Variants in SLC16A9 observed in about 807,000 individuals in gnomAD.
SLC16A9 encodes the protein solute carrier family 16 member 9.
In SLC16A9, 26 loss-of-function variants were observed where a neutral mutation model predicts 44.3. That is an observed-to-expected ratio of 0.59 (90% CI 0.43 to 0.81). SLC16A9 has a LOEUF of 0.81. Among genes scored for constraint, SLC16A9 ranks in the 40% least tolerant of loss-of-function variants. SLC16A9 has a pLI of 0.00. For missense variants in SLC16A9, 559 were observed against 595.8 expected (o/e 0.94, Z 0.64); for synonymous variants, 230 against 225.1 (o/e 1.02, Z -0.19).
chr10:59,691,829 T>C lies in SLC16A9; in HGVS notation c.-36-7502A>G, dbSNP rs145476611. The stretch of plus-strand genomic sequence containing the variant: ...TGGCTGAAAATTTCTGCTCTGGATA[T>C]AGGCTGTCAGAACTGCAGGTGTGAC... On this transcript the variant is annotated intron_variant, in intron 1 of 5. Transcript: ENST00000395348. 1.7e-3 allele frequency among the ~76,000 whole-genome samples: 263 copies of C among 152,362 alleles called. 8 individuals are homozygous for C. The highest frequency in any genetic ancestry group is 0.014 in the Admixed American group (214 of 15,302).
intron 3 of SLC16A9, among the ~76,000 whole-genome samples, chr10:59,669,599 G>A (rs1839698237): frequency 6.6e-6 from 1 of 152,122 alleles, no homozygotes. Context: ...CACTTTGGGA[G>A]CCCAAGACCA....
At chr10:59,705,517 CATTA>C (rs1448962787) in intron 1 of SLC16A9, among the ~76,000 whole-genome samples, 10 of 152,170 alleles carry the variant, frequency 6.6e-5, no homozygotes, top group African/African-American at 1.4e-4. Flanking sequence ...GTTTAATAAA[CATTA>C]ATTATTATTA....
chr10:59,670,165 C>T (rs975312533), intron 3 of SLC16A9, among the ~76,000 whole-genome samples: 6 of 152,086 alleles, frequency 3.9e-5, no homozygotes, highest in Non-Finnish European at 7.4e-5. Flanking sequence ...CTGTATGGGT[C>T]AGAAAGGAAT....
chr10:59,655,631 C>T (rs1469973472), intron 4 of SLC16A9, among the ~76,000 whole-genome samples: 1 of 152,140 alleles, frequency 6.6e-6, no homozygotes, highest in African/African-American at 2.4e-5. Flanking sequence ...TAGCACTGAT[C>T]ACACTAAACA....
intron 3 of SLC16A9, among the ~76,000 whole-genome samples, chr10:59,671,221 C>T (rs1205702387): frequency 6.6e-6 from 1 of 152,136 alleles, no homozygotes; most frequent in Non-Finnish European, 1.5e-5. Flanking sequence ...ATTGCCAAAT[C>T]AGAGCTATGT....
chr10:59,676,760 TA>T (rs1274090461), intron 2 of SLC16A9, among the ~76,000 whole-genome samples: 9 of 151,890 alleles, frequency 5.9e-5, no homozygotes, highest in Admixed American at 5.9e-4. Context: ...CTGCCTCTAC[TA>T]AAAATACAAA....
chr10:59,652,421 T>A lies in SLC16A9; in HGVS notation c.*351A>T. On this transcript the variant is annotated 3_prime_UTR_variant, in exon 6 of 6. Transcript: ENST00000395348. Reference sequence around the variant, plus strand: ...AATAGGAGCAGTCTCTCTAGGTGCCTTGCAGTGGATTAAATGGAGTCGGCA... The same window carrying A: ...AATAGGAGCAGTCTCTCTAGGTGCCATGCAGTGGATTAAATGGAGTCGGCA... 6.1e-6 allele frequency: 1 copy of A among 165,220 alleles called. No homozygotes were observed. The highest frequency in any genetic ancestry group is 1.3e-5 in the Non-Finnish European group (1 of 76,980). The allele number at this position is 165,220 out of a possible 1,614,324, so 10.2% of individuals were successfully genotyped here.
At chr10:59,684,770 T>A (rs943148584) in intron 1 of SLC16A9, among the ~76,000 whole-genome samples, 1 of 152,224 alleles carries the variant, frequency 6.6e-6, no homozygotes, top group African/African-American at 2.4e-5. Flanking sequence ...CAGCTGCAGA[T>A]AACCTTGCAG....
intron 3 of SLC16A9, among the ~76,000 whole-genome samples, chr10:59,670,503 T>C (rs1475183773): frequency 6.6e-6 from 1 of 152,136 alleles, no homozygotes; most frequent in East Asian, 1.9e-4. Flanking sequence ...TAAAAGAAGG[T>C]TAACCCACAT....
At chr10:59,699,166 T>C (rs917752936) in intron 1 of SLC16A9, among the ~76,000 whole-genome samples, 2 of 152,220 alleles carry the variant, frequency 1.3e-5, no homozygotes, top group African/African-American at 2.4e-5. Context: ...GAGAAGATTC[T>C]AACAAAGATA....
chr10:59,699,208 C>G (rs949369621), intron 1 of SLC16A9, among the ~76,000 whole-genome samples: 1 of 152,164 alleles, frequency 6.6e-6, no homozygotes, highest in Non-Finnish European at 1.5e-5. Flanking sequence ...ATAAGGCTGT[C>G]AGGATAATGA....
At chr10:59,684,383 G>T in intron 1 of SLC16A9, 56 bp from the exon 2 acceptor site, 1 of 963,974 alleles carries the variant, frequency 1.0e-6, no homozygotes, top group Non-Finnish European at 1.5e-6. Context: ...AGGGCACAGC[G>T]CTTGGGGTAA....
intron 3 of SLC16A9, among the ~76,000 whole-genome samples, chr10:59,672,183 C>T (rs61863065): frequency 6.6e-6 from 1 of 152,160 alleles, no homozygotes; most frequent in Non-Finnish European, 1.5e-5. Context: ...ATTTTCAGTA[C>T]TCTAAGGCCC....
At position 59,652,869 on chromosome 10, in the gene SLC16A9, A is replaced by G. The variant is rs1027059696; in HGVS notation, c.1433T>C (p.Leu478Pro). The G allele has an allele frequency of 1.2e-6, 2 of 1,614,052 alleles. No individual in the cohort carries two copies. Among genetic ancestry groups the G allele is most frequent in the African/African-American group, 2.7e-5 (2 of 74,944 alleles). The change falls in exon 6 of 6, where the codon CTG (leucine) becomes CCG (proline). Residue 478 changes from leucine to proline, a missense_variant. Transcript: ENST00000395348. ...GFCVLLGGFILLLAALPSWDT... is the reference protein window; with the variant it reads ...GFCVLLGGFIPLLAALPSWDT... ...CCAAGAGGGCAAGGCTGCCAGCAGC[A>G]GAATAAAACCTCCCAGCAGGACGCA...
chr10:59,708,329 A>T (rs1009549014), intron 1 of SLC16A9, among the ~76,000 whole-genome samples: 2 of 152,220 alleles, frequency 1.3e-5, no homozygotes, highest in African/African-American at 2.4e-5. Flanking sequence ...TGCAACAAAT[A>T]ATCATCCTTT....
At chr10:59,690,397 T>C (rs1840227618) in intron 1 of SLC16A9, among the ~76,000 whole-genome samples, 1 of 152,150 alleles carries the variant, frequency 6.6e-6, no homozygotes, top group Admixed American at 6.5e-5. Flanking sequence ...AAAGAGTACG[T>C]ACACGATTGG....
chr10:59,662,705 C>T (rs1322404471), intron 4 of SLC16A9, among the ~76,000 whole-genome samples: 2 of 134,544 alleles, frequency 1.5e-5, no homozygotes, highest in African/African-American at 2.7e-5. Context: ...TGAAAAAAAA[C>T]TCATCATCAC....
intron 4 of SLC16A9, among the ~76,000 whole-genome samples, chr10:59,662,633 CAA>C (rs71006278): frequency 1.6e-4 from 7 of 43,632 alleles, no homozygotes; most frequent in Non-Finnish European, 2.9e-4. Context: ...AACTCCATCT[CAA>C]AAAAAAAAAA....
chr10:59,662,649 A>AAG lies in SLC16A9; in HGVS notation c.436+1577_436+1578insCT, dbSNP rs1554867797. Among the ~76,000 whole-genome samples, 142 of 147,374 alleles carry AAG rather than the reference A, an allele frequency of 9.6e-4. 1 individual carries two copies. Among genetic ancestry groups the AAG allele is most frequent in the African/African-American group, 3.5e-3 (136 of 39,178 alleles). On this transcript the variant is annotated intron_variant, in intron 4 of 5. Transcript: ENST00000395348. Reference sequence around the variant, plus strand: ...ACTCCATCTCAAAAAAAAAAAAAAAAAAAAGAAAAGAAAAAAAGAAGACAT... The same window carrying AAG: ...ACTCCATCTCAAAAAAAAAAAAAAAAAGAAAAGAAAAGAAAAAAAGAAGACAT...
Sources: gnomAD v4.1 joint callset for allele counts (sites outside exome capture counted in the v4.1 genomes callset) on GRCh38, gnomAD v4.1.1 for gene constraint, MANE v1.5 for transcripts, NCBI Gene and HGNC (gene_info 2026-07-23, HGNC 2026-07-21) for gene names.